Variants in PHF21A observed in about 807,000 individuals in gnomAD.
PHF21A encodes PHD finger protein 21A.
In PHF21A, 11 loss-of-function variants were observed where a neutral mutation model predicts 82.5. That is an observed-to-expected ratio of 0.13 (90% CI 0.08 to 0.22). PHF21A has a LOEUF of 0.22. PHF21A is among the 10% of genes least tolerant of loss of function. PHF21A has a pLI of 1.00. For missense variants in PHF21A, 579 were observed against 837.8 expected, an observed-to-expected ratio of 0.69 and a Z score of 3.81; for synonymous variants, 297 against 302.8, an observed-to-expected ratio of 0.98 and a Z score of 0.20.
At chr11:46,059,299 G>A (rs1201592803) in intron 6 of PHF21A, among the ~76,000 whole-genome samples, 2 of 152,016 alleles carry the variant, frequency 1.3e-5, no homozygotes, top group Non-Finnish European at 2.9e-5. Flanking sequence ...CTACCCAAAT[G>A]ATAGGATACT....
rs969295730 is a variant in PHF21A at position 46,013,786 on chromosome 11, T to C, written c.154-33820A>G. Among the ~76,000 whole-genome samples, 4 of 152,160 alleles carry C rather than the reference T, an allele frequency of 2.6e-5. No homozygotes were observed. In the East Asian group the frequency reaches 7.7e-4, roughly 29 times the overall value. On this transcript the variant is annotated intron_variant, in intron 6 of 18. Coordinates refer to ENST00000676320, the MANE Select transcript of PHF21A (RefSeq NM_001352027.3). ...ACCATAGGTAACAATGGTAAGTATTTGTGTATCTAAATATATCTAAAAATG... is the reference window on the plus strand; with the variant it reads ...ACCATAGGTAACAATGGTAAGTATTCGTGTATCTAAATATATCTAAAAATG...
intron 6 of PHF21A, among the ~76,000 whole-genome samples, chr11:46,052,302 A>G (rs1324415543): frequency 2.0e-5 from 3 of 152,220 alleles, no homozygotes; most frequent in Non-Finnish European, 4.4e-5. Flanking sequence ...TGAAGCCAAA[A>G]GAGGGAGAAA....
At chr11:46,023,791 A>T in intron 6 of PHF21A, among the ~76,000 whole-genome samples, 1 of 152,166 alleles carries the variant, frequency 6.6e-6, no homozygotes, top group East Asian at 1.9e-4. Flanking sequence ...CCCTGTTTCT[A>T]CTAAAAATAC....
chr11:46,072,825 G>A (rs967865843), intron 6 of PHF21A, among the ~76,000 whole-genome samples: 1 of 152,142 alleles, frequency 6.6e-6, no homozygotes, highest in African/African-American at 2.4e-5. Context: ...CTGCAACCAC[G>A]ATGGCTTAAC....
At chr11:45,980,294 G>A (rs1320826891) in intron 6 of PHF21A, among the ~76,000 whole-genome samples, 1 of 152,134 alleles carries the variant, frequency 6.6e-6, no homozygotes. Flanking sequence ...GTAAAAAGCA[G>A]GACTCTGGAG....
At chr11:46,038,966 A>G (rs1287754377) in intron 6 of PHF21A, among the ~76,000 whole-genome samples, 5 of 152,162 alleles carry the variant, frequency 3.3e-5, no homozygotes, top group Non-Finnish European at 7.3e-5. Context: ...CCAAGCAGAG[A>G]AAACAGTGTT....
At chr11:45,969,943 T>C in intron 8 of PHF21A, 39 bp from the exon 9 acceptor site, 2 of 1,291,066 alleles carry the variant, frequency 1.5e-6, no homozygotes, top group Non-Finnish European at 2.2e-6. Context: ...GAGAGAACAA[T>C]TACTCTTCAA....
chr11:46,035,451 A>C (rs77931661), intron 6 of PHF21A, among the ~76,000 whole-genome samples: 14,953 of 152,256 alleles, frequency 0.098, 897 homozygotes, highest in African/African-American at 0.17. Flanking sequence ...CTTAATGTAC[A>C]TATTCAGTAC....
chr11:46,107,345 A>G (rs919344905), intron 1 of PHF21A, among the ~76,000 whole-genome samples: 1 of 152,198 alleles, frequency 6.6e-6, no homozygotes, highest in Admixed American at 6.5e-5. Flanking sequence ...CATCCATAAC[A>G]TTAATTGAGC....
At chr11:45,937,956 A>T (rs1169255665) in intron 16 of PHF21A, among the ~76,000 whole-genome samples, 1 of 152,234 alleles carries the variant, frequency 6.6e-6, no homozygotes, top group Non-Finnish European at 1.5e-5. Context: ...GGAAGCATCT[A>T]TCCAGCTCAG....
At chr11:46,099,035 T>C (rs932850883) in intron 1 of PHF21A, among the ~76,000 whole-genome samples, 2 of 152,052 alleles carry the variant, frequency 1.3e-5, no homozygotes, top group African/African-American at 4.8e-5. Flanking sequence ...ATTTTAAAAA[T>C]AAACAAGAAG....
At chr11:46,022,203 A>T (rs2095645747) in intron 6 of PHF21A, among the ~76,000 whole-genome samples, 1 of 152,178 alleles carries the variant, frequency 6.6e-6, no homozygotes, top group Non-Finnish European at 1.5e-5. Flanking sequence ...CTGTAATTCC[A>T]GCACTTTGGG....
At chr11:46,027,539 T>C (rs938917909) in intron 6 of PHF21A, among the ~76,000 whole-genome samples, 13 of 152,156 alleles carry the variant, frequency 8.5e-5, no homozygotes, top group African/African-American at 1.9e-4. Flanking sequence ...ACACACAAAA[T>C]ACAATGCAAT....
chr11:46,041,366 G>C (rs907622520), intron 6 of PHF21A, among the ~76,000 whole-genome samples: 4 of 152,146 alleles, frequency 2.6e-5, no homozygotes, highest in African/African-American at 9.7e-5. Flanking sequence ...CATGATTTGG[G>C]CACTGTGCGT....
intron 6 of PHF21A, among the ~76,000 whole-genome samples, chr11:46,025,589 C>T (rs1424411471): frequency 6.6e-6 from 1 of 152,114 alleles, no homozygotes; most frequent in Admixed American, 6.5e-5. Flanking sequence ...TTTGATTATG[C>T]TCTTATAATC....
intron 3 of PHF21A, among the ~76,000 whole-genome samples, chr11:46,089,871 C>T (rs1209015758): frequency 4.0e-5 from 6 of 151,706 alleles, no homozygotes; most frequent in African/African-American, 9.7e-5. Context: ...TCCACTGCAA[C>T]GTGCAGGCTA....
intron 6 of PHF21A, among the ~76,000 whole-genome samples, chr11:45,998,818 C>CCTTTTTTTGT (rs1211103722): frequency 8.0e-6 from 1 of 125,428 alleles, no homozygotes; most frequent in East Asian, 3.2e-4. Context: ...CCACACCCGG[C>CCTTTTTTTGT]CTTTTTTTGT....
At chr11:46,045,485 C>T (rs2096243323) in intron 6 of PHF21A, among the ~76,000 whole-genome samples, 1 of 152,068 alleles carries the variant, frequency 6.6e-6, no homozygotes, top group Non-Finnish European at 1.5e-5. Context: ...TACTATTACT[C>T]CAGTCTAATT....
intron 6 of PHF21A, among the ~76,000 whole-genome samples, chr11:46,016,147 C>G (rs992397539): frequency 6.6e-6 from 1 of 152,154 alleles, no homozygotes; most frequent in African/African-American, 2.4e-5. Context: ...TACTAAGCAA[C>G]AGAAAATTTT....
Sources: gnomAD v4.1 joint callset for allele counts (sites outside exome capture counted in the v4.1 genomes callset) on GRCh38, gnomAD v4.1.1 for gene constraint, MANE v1.5 for transcripts, NCBI Gene and HGNC (gene_info 2026-07-23, HGNC 2026-07-21) for gene names.